The following TRPM3 variants were observed in gnomAD, a reference collection of about 807,000 sequenced individuals.
TRPM3 encodes the protein long transient receptor potential channel 3.
Under a neutral mutation model 181.2 loss-of-function variants are expected in TRPM3, and 77 were observed. The observed-to-expected ratio is 0.42, with a 90% CI of 0.35 to 0.51. The LOEUF is 0.51. Among genes scored for constraint, TRPM3 ranks in the 20% least tolerant of loss-of-function variants. TRPM3 has a pLI of 0.01. For missense variants in TRPM3, 1,759 were observed against 2,196.7 expected, an observed-to-expected ratio of 0.80 and a Z score of 3.98; for synonymous variants, 745 against 796.4, an observed-to-expected ratio of 0.94 and a Z score of 1.09.
chr9:70,814,774 A>G (rs192009752), intron 6 of TRPM3, among the ~76,000 whole-genome samples: 1 of 152,154 alleles, frequency 6.6e-6, no homozygotes, highest in Admixed American at 6.5e-5. Context: ...CAAGAATGAT[A>G]TCCATACCCT....
intron 1 of TRPM3, among the ~76,000 whole-genome samples, chr9:71,178,377 A>G: frequency 6.6e-6 from 1 of 152,140 alleles, no homozygotes; most frequent in East Asian, 1.9e-4. Context: ...AGAAATTTGA[A>G]ATGAAAGGGG....
chr9:71,200,293 C>A (rs1241826546), intron 1 of TRPM3, among the ~76,000 whole-genome samples: 5 of 151,588 alleles, frequency 3.3e-5, no homozygotes, highest in Non-Finnish European at 7.4e-5. Flanking sequence ...TTATTTCCAA[C>A]TATGTGGTCA....
chr9:70,653,468 G>A (rs939991011), intron 9 of TRPM3, among the ~76,000 whole-genome samples: 1 of 151,786 alleles, frequency 6.6e-6, no homozygotes, highest in African/African-American at 2.4e-5. Context: ...TTGGGGATAT[G>A]GTTTTTTTTT....
At chr9:71,065,553 A>T (rs980453534) in intron 1 of TRPM3, among the ~76,000 whole-genome samples, 1 of 152,172 alleles carries the variant, frequency 6.6e-6, no homozygotes, top group South Asian at 2.1e-4. Context: ...ATGGGGCCAA[A>T]ATGTATTCTA....
intron 6 of TRPM3, 58 bp from the exon 7 acceptor site, chr9:70,784,337 A>T: frequency 6.7e-7 from 1 of 1,484,994 alleles, no homozygotes; most frequent in Non-Finnish European, 9.0e-7. Flanking sequence ...AAGCCAGCAA[A>T]CCAAAGAAAC....
At position 70,679,832 on chromosome 9, in the gene TRPM3, AG is replaced by A. The variant is rs565546896; in HGVS notation, c.1345+1673del. On this transcript the variant is annotated intron_variant, in intron 9 of 25. Coordinates refer to ENST00000677713, the MANE Select transcript of TRPM3 (RefSeq NM_001366145.2). ...TATTACTTTAAAATATCTTTATTTG[AG>A]AATGGCAAATATAGGGTAACTTGCC... is the stretch of plus-strand genomic sequence containing the variant. Among the ~76,000 whole-genome samples, 297 of 152,310 alleles carry A rather than the reference AG, an allele frequency of 1.9e-3. 1 individual carries two copies. Among genetic ancestry groups the A allele is most frequent in the Non-Finnish European group, 3.4e-3 (229 of 68,014 alleles).
At chr9:70,894,668 G>C (rs922787512) in intron 1 of TRPM3, among the ~76,000 whole-genome samples, 1 of 151,766 alleles carries the variant, frequency 6.6e-6, no homozygotes, top group Non-Finnish European at 1.5e-5. Flanking sequence ...GCAAGATTTG[G>C]CTTCTCCAGG....
intron 1 of TRPM3, among the ~76,000 whole-genome samples, chr9:71,112,085 A>T (rs771003464): frequency 2.0e-5 from 3 of 152,200 alleles, no homozygotes; most frequent in Non-Finnish European, 4.4e-5. Context: ...TCAGTTGGGT[A>T]GAGCCTACAC....
intron 1 of TRPM3, among the ~76,000 whole-genome samples, chr9:71,106,044 T>C (rs2069459457): frequency 6.6e-6 from 1 of 152,182 alleles, no homozygotes; most frequent in East Asian, 1.9e-4. Context: ...TTCTTGATGA[T>C]GTTCTACTGT....
intron 1 of TRPM3, among the ~76,000 whole-genome samples, chr9:71,063,448 T>A (rs766577280): frequency 6.0e-4 from 92 of 152,128 alleles, no homozygotes; most frequent in Non-Finnish European, 3.5e-4. Context: ...TGTTACAATA[T>A]AATGAAATGG....
intron 1 of TRPM3, among the ~76,000 whole-genome samples, chr9:71,232,466 C>G (rs1397096800): frequency 6.8e-6 from 1 of 147,168 alleles, no homozygotes; most frequent in Admixed American, 6.8e-5. Flanking sequence ...CATACTCTAA[C>G]GCACATGGAA....
chr9:71,419,669 T>C (rs994897607), intron 1 of TRPM3, among the ~76,000 whole-genome samples: 1 of 152,002 alleles, frequency 6.6e-6, no homozygotes, highest in African/African-American at 2.4e-5. Context: ...TACAATAATG[T>C]GAATGTACTT....
At position 70,864,536 on chromosome 9, in the gene TRPM3, A is replaced by AAAAG. The variant is rs760875708; in HGVS notation, c.178-26_178-25insCTTT. On this transcript the variant is annotated intron_variant, in intron 1 of 25. Coordinates refer to ENST00000677713, the MANE Select transcript of TRPM3 (RefSeq NM_001366145.2). ...CCTGAAAAAGAAAACAAAAAAAAAA[A>AAAAG]AAAAAGAAAAAAGAAAGAAAGGTGA... 1.1e-3 allele frequency: 1,654 copies of AAAAG among 1,455,798 alleles called. 17 individuals are homozygous for AAAAG. Among genetic ancestry groups the AAAAG allele is most frequent in the Non-Finnish European group, 1.4e-3 (1,506 of 1,104,616 alleles). 90.2% of individuals were successfully genotyped at this position (1,455,798 alleles called of 1,614,324 possible). A position where few individuals can be genotyped will look rare whatever the true frequency, so the allele number is the denominator to read the frequency against.
chr9:70,650,013 T>C (rs10746852), intron 9 of TRPM3, among the ~76,000 whole-genome samples: 59,556 of 152,006 alleles, frequency 0.39, 12,303 homozygotes, highest in African/African-American at 0.51. Context: ...TGCAGCAATA[T>C]GGATGCAGCT....
chr9:70,899,896 A>G (rs1319636167), intron 1 of TRPM3, among the ~76,000 whole-genome samples: 1 of 152,230 alleles, frequency 6.6e-6, no homozygotes, highest in East Asian at 1.9e-4. Context: ...GGATAAATAT[A>G]TACTTGATGA....
At chr9:71,180,865 C>G (rs1259208956) in intron 1 of TRPM3, among the ~76,000 whole-genome samples, 1 of 152,178 alleles carries the variant, frequency 6.6e-6, no homozygotes, top group East Asian at 1.9e-4. Flanking sequence ...CTCCTCACCT[C>G]CCCTCAAAAT....
chr9:71,397,775 G>T (rs1003505579), intron 1 of TRPM3, among the ~76,000 whole-genome samples: 2 of 130,070 alleles, frequency 1.5e-5, no homozygotes, highest in Non-Finnish European at 3.2e-5. Flanking sequence ...AAAAGAAAAA[G>T]AAAAAGATGA....
intron 22 of TRPM3, among the ~76,000 whole-genome samples, chr9:70,560,679 A>G (rs142356492): frequency 1.3e-5 from 2 of 152,310 alleles, no homozygotes; most frequent in African/African-American, 4.8e-5. Context: ...ATTGAGAGGA[A>G]TCTCTCAATT....
At chr9:70,900,816 A>T (rs2096374189) in intron 1 of TRPM3, among the ~76,000 whole-genome samples, 1 of 152,238 alleles carries the variant, frequency 6.6e-6, no homozygotes, top group African/African-American at 2.4e-5. Flanking sequence ...GGGCCAGGCT[A>T]GAGCAAGAAT....
Sources: gnomAD v4.1 joint callset for allele counts (sites outside exome capture counted in the v4.1 genomes callset) on GRCh38, gnomAD v4.1.1 for gene constraint, MANE v1.5 for transcripts, NCBI Gene and HGNC (gene_info 2026-07-23, HGNC 2026-07-21) for gene names.